The following MAP3K6 variants were observed in gnomAD, a reference collection of about 807,000 sequenced individuals.
The protein encoded by MAP3K6 is apoptosis signal-regulating kinase 2.
MAP3K6 carries 105 observed loss-of-function variants against 147.1 expected under a neutral mutation model. The ratio of observed to expected loss-of-function variants is 0.71; its 90% CI spans 0.61 to 0.84. MAP3K6 has a LOEUF of 0.84. MAP3K6 is among the 40% of genes least tolerant of loss of function. MAP3K6 has a pLI of 0.00. For synonymous variants in MAP3K6, 695 were observed against 732.4 expected (o/e 0.95, Z 0.82); for missense variants, 1,569 against 1,715.0 (o/e 0.91, Z 1.50).
chr1:27,358,749 G>T lies in MAP3K6; in HGVS notation c.2543C>A (p.Pro848His), dbSNP rs756936186. 4 of 1,613,994 alleles carry T rather than the reference G, an allele frequency of 2.5e-6. No homozygotes were observed. Among genetic ancestry groups the T allele is most frequent in the Non-Finnish European group, 3.4e-6 (4 of 1,179,984 alleles). The stretch of plus-strand genomic sequence containing the variant: ...CTGTGGGCTCCCGAGCTCGTGGAAG[G>T]GGGGGCGACCTGTGGCCATCTCAAT... ...TVIEMATGRP[P>H]FHELGSPQAA... The change falls in exon 19 of 29, where the codon CCC (proline) becomes CAC (histidine). Residue 848 changes from proline (P) to histidine (H), a missense_variant. Pro to His is a moderately conservative substitution (Grantham distance 77). Coordinates refer to ENST00000357582, the MANE Select transcript of MAP3K6 (RefSeq NM_004672.5). The surrounding 1 kb of genome is among the most constrained non-coding windows in gnomAD (Gnocchi z 6.2).
rs747785076 is a variant in MAP3K6 at position 27,360,832 on chromosome 1, A to G, written c.1927T>C (p.Tyr643His). The change falls in exon 15 of 29, where the codon TAT (tyrosine) becomes CAT (histidine). Residue 643 changes from tyrosine (Y) to histidine (H), a missense_variant. Coordinates refer to ENST00000357582, the MANE Select transcript of MAP3K6 (RefSeq NM_004672.5). The surrounding 1 kb of genome is among the most constrained non-coding windows in gnomAD (Gnocchi z 4.5). ...EGAGEMLEFD[Y>H]EYTETGERLV... ...CGCTCGCCCGTCTCCGTGTACTCAT[A>G]ATCAAACTGCCGGGCGCGGGGTGAG... The G allele has an allele frequency of 1.2e-6, 2 of 1,612,754 alleles. No homozygotes were observed. The highest frequency in any genetic ancestry group is 2.2e-5 in the South Asian group (2 of 91,080).
Position 27,355,698 on chromosome 1 carries a change from AGTG to A in MAP3K6, c.3756_3758del (p.Thr1253del). On this transcript the variant is annotated inframe_deletion, in exon 28 of 29. Coordinates refer to ENST00000357582, the MANE Select transcript of MAP3K6 (RefSeq NM_004672.5). ...TGCGGGTGTAGATGAGGTCATCTCG[AGTG>A]GCATAGGTGAGCAGAGTGTGGAGGG... 1 of 1,610,880 alleles carries A rather than the reference AGTG, an allele frequency of 6.2e-7. No homozygotes were observed. The highest frequency in any genetic ancestry group is 1.1e-5 in the South Asian group (1 of 90,634).
rs1389681664 is a variant in MAP3K6 at position 27,361,704 on chromosome 1, C to A, written c.1578+1G>T. Reference sequence around the variant, plus strand: ...GGGTCCACCACCCCTACAGGCCTCACCAAGCACTGGTCGCCCTGGGCACAG... The same window carrying A: ...GGGTCCACCACCCCTACAGGCCTCAACAAGCACTGGTCGCCCTGGGCACAG... On this transcript the variant is annotated splice_donor_variant, in intron 10 of 28. Transcript: ENST00000357582. LOFTEE classifies it high-confidence loss of function. The A allele has an allele frequency of 7.4e-6, 12 of 1,613,534 alleles. No individual in the cohort carries two copies. The highest frequency in any genetic ancestry group is 1.7e-5 in the Admixed American group (1 of 60,002).
At position 27,364,653 on chromosome 1, in the gene MAP3K6, C is replaced by T. The variant is rs757803775; in HGVS notation, c.504+8G>A. On this transcript the variant is annotated splice_region_variant and intron_variant, in intron 3 of 28. Coordinates refer to ENST00000357582, the MANE Select transcript of MAP3K6 (RefSeq NM_004672.5). The surrounding 1 kb of genome is among the most constrained non-coding windows in gnomAD (Gnocchi z 4.4). ...GGCACTTTTGAGTGAGAGGTGGATT[C>T]TGCTCACCGAGTTCTTCTGGAAAAC... 30 of 1,614,164 alleles carry T rather than the reference C, an allele frequency of 1.9e-5. No individual in the cohort carries two copies. The highest frequency in any genetic ancestry group is 2.4e-5 in the Non-Finnish European group (28 of 1,180,032).
intron 27 of MAP3K6, 110 bp downstream of exon 27, chr1:27,355,916 T>C: frequency 8.5e-7 from 1 of 1,177,206 alleles, no homozygotes; most frequent in Non-Finnish European, 1.3e-6. Flanking sequence ...AGTGTTCTTC[T>C]GGTAGTGAGA....
chr1:27,360,667 C>A lies in MAP3K6; in HGVS notation c.2054+38G>T. The A allele has an allele frequency of 6.3e-7, 1 of 1,589,352 alleles. No homozygotes were observed. Among genetic ancestry groups the A allele is most frequent in the South Asian group, 1.1e-5 (1 of 89,084 alleles). On this transcript the variant is annotated intron_variant, in intron 15 of 28. Coordinates refer to ENST00000357582, the MANE Select transcript of MAP3K6 (RefSeq NM_004672.5). This position sits in a 1 kb window ranked among gnomAD's most constrained non-coding sequence, Gnocchi z 4.5. ...CGTGGCCCGGCTCACTCGGCCCTCG[C>A]GAGCCCTCAGCCCCACCCGCGCTGC...
Position 27,358,488 on chromosome 1 carries a change from C to A in MAP3K6, c.2707G>T (p.Asp903Tyr). Reference protein sequence around the residue: ...LRASAQTLLGDPFLQPGKRSR... With the variant: ...LRASAQTLLGYPFLQPGKRSR... ...CTTTTCCCAGGCTGCAGGAAGGGGTCCCCCAGCAGTGTCTGGGCGCTGGCT... is the reference window on the plus strand; with the variant it reads ...CTTTTCCCAGGCTGCAGGAAGGGGTACCCCAGCAGTGTCTGGGCGCTGGCT... Residue 903 changes from aspartate (D) to tyrosine (Y), a missense_variant, in exon 20 of 29, where the codon GAC becomes TAC. Physicochemically the swap from Asp to Tyr is radical, Grantham distance 160 (BLOSUM62 -3). Coordinates refer to ENST00000357582, the MANE Select transcript of MAP3K6 (RefSeq NM_004672.5). This position sits in a 1 kb window ranked among gnomAD's most constrained non-coding sequence, Gnocchi z 6.2. 1.3e-6 allele frequency: 2 copies of A among 1,597,174 alleles called. No individual in the cohort carries two copies. The highest frequency in any genetic ancestry group is 1.7e-6 in the Non-Finnish European group (2 of 1,175,362).
chr1:27,355,553 C>G, intron 28 of MAP3K6, 84 bp from the exon 29 acceptor site: 1 of 1,572,360 alleles, frequency 6.4e-7, no homozygotes, highest in East Asian at 2.2e-5. Flanking sequence ...AGTGCCCCCT[C>G]TGTCCCTAGG....
rs758782106 is a variant in MAP3K6 at position 27,363,976 on chromosome 1, C to T, written c.805G>A (p.Val269Met). 23 of 1,610,314 alleles carry T rather than the reference C, an allele frequency of 1.4e-5. No homozygotes were observed. The highest frequency in any genetic ancestry group is 1.9e-5 in the Non-Finnish European group (22 of 1,179,842). Residue 269 changes from valine to methionine, a missense_variant, in exon 5 of 29, where the codon GTG (valine) becomes ATG (methionine). Physicochemically the swap from Val to Met is conservative, Grantham distance 21 (BLOSUM62 1). Coordinates refer to ENST00000357582, the MANE Select transcript of MAP3K6 (RefSeq NM_004672.5). ...ATGATGTCGGGGCTCAGCAGCTCCA[C>T]GCTGTCCAGTCTCCGCTGCAGGCGA... is the stretch of plus-strand genomic sequence containing the variant. ...LARLQRRLDSVELLSPDIIMN... is the reference protein window; with the variant it reads ...LARLQRRLDSMELLSPDIIMN...
In MAP3K6 at chr1:27,359,001, C is replaced by A; in HGVS notation, c.2426-135G>T. On this transcript the variant is annotated intron_variant, in intron 18 of 28. Transcript: ENST00000357582. This position sits in a 1 kb window ranked among gnomAD's most constrained non-coding sequence, Gnocchi z 4.4. ...ATCCAAAATATACCTCAACACCTAT[C>A]CTGGTCATCAAACATCTATCCTGAG... 1.1e-6 allele frequency: 1 copy of A among 880,268 alleles called. No individual in the cohort carries two copies. Among genetic ancestry groups the A allele is most frequent in the Non-Finnish European group, 1.7e-6 (1 of 584,332 alleles). The allele number at this position is 880,268 out of a possible 1,614,324, so 54.5% of individuals were successfully genotyped here.
At position 27,361,623 on chromosome 1, in the gene MAP3K6, A is replaced by G. The variant is rs1334961566; in HGVS notation, c.1583T>C (p.Leu528Pro). Residue 528 changes from leucine to proline, a missense_variant, in exon 11 of 29, where the codon CTG (leucine) becomes CCG (proline). Transcript: ENST00000357582. ...CAGCACCTTGTTCATCTCCAGGACC[A>G]GCACCTGCAGGCAGTTGGGGAGTGG... ...ACAQGDQCLV[L>P]VLEMNKVLLP... is the part of the protein sequence containing the mutation. 1.2e-6 allele frequency: 2 copies of G among 1,614,176 alleles called. No homozygotes were observed. Among genetic ancestry groups the G allele is most frequent in the Non-Finnish European group, 1.7e-6 (2 of 1,180,034 alleles).
At position 27,363,429 on chromosome 1, in the gene MAP3K6, C is replaced by T. The variant is rs1557565979; in HGVS notation, c.971+13G>A. 6.2e-7 allele frequency: 1 copy of T among 1,606,208 alleles called. No homozygotes were observed. The highest frequency in any genetic ancestry group is 1.1e-5 in the South Asian group (1 of 90,060). On this transcript the variant is annotated intron_variant, in intron 6 of 28. Coordinates refer to ENST00000357582, the MANE Select transcript of MAP3K6 (RefSeq NM_004672.5). ...TTATGTGGCTATGACCTAACCCTTGCTCTGCCACTCACCGGTTGAGGGCAA... is the reference window on the plus strand; with the variant it reads ...TTATGTGGCTATGACCTAACCCTTGTTCTGCCACTCACCGGTTGAGGGCAA...
chr1:27,360,493 C>A lies in MAP3K6; in HGVS notation c.2055-125G>T. 2 of 1,354,414 alleles carry A rather than the reference C, an allele frequency of 1.5e-6. No homozygotes were observed. Among genetic ancestry groups the A allele is most frequent in the Non-Finnish European group, 2.0e-6 (2 of 1,009,560 alleles). The allele number at this position is 1,354,414 out of a possible 1,614,324, so 83.9% of individuals were successfully genotyped here. ...CACAAGCCCTCTCCGACCTTCCCCA[C>A]CCTTACTACCCTGCCCACAGGACCC... On this transcript the variant is annotated intron_variant, in intron 15 of 28. Transcript: ENST00000357582. This position sits in a 1 kb window ranked among gnomAD's most constrained non-coding sequence, Gnocchi z 4.5.
chr1:27,359,637 C>T lies in MAP3K6; in HGVS notation c.2320-115G>A. 3.4e-6 allele frequency: 5 copies of T among 1,488,772 alleles called. No homozygotes were observed. The highest frequency in any genetic ancestry group is 1.4e-5 in the African/African-American group (1 of 72,176). The allele number at this position is 1,488,772 out of a possible 1,614,324, so 92.2% of individuals were successfully genotyped here. A position where few individuals can be genotyped will look rare whatever the true frequency, so the allele number is the denominator to read the frequency against. Reference sequence around the variant, plus strand: ...GCCTGGTCCTGCCTCTGTCAACACTCTCCCCTTGCCATCCCACTTATATGC... The same window carrying T: ...GCCTGGTCCTGCCTCTGTCAACACTTTCCCCTTGCCATCCCACTTATATGC... On this transcript the variant is annotated intron_variant, in intron 17 of 28. Transcript: ENST00000357582. This position sits in a 1 kb window ranked among gnomAD's most constrained non-coding sequence, Gnocchi z 4.4.
At position 27,360,945 on chromosome 1, in the gene MAP3K6, C is replaced by T; in HGVS notation, c.1896G>A (p.Ala632=). The change falls in exon 14 of 29, where the codon GCG becomes GCA. Residue 632 remains alanine, a synonymous_variant. Coordinates refer to ENST00000357582, the MANE Select transcript of MAP3K6 (RefSeq NM_004672.5). The surrounding 1 kb of genome is among the most constrained non-coding windows in gnomAD (Gnocchi z 4.5). ...NPDSTAPAEE[A]EGAGEMLEFD... is the part of the protein sequence containing the mutation. ...CCTCCAACATCTCCCCCGCGCCCTC[C>T]GCCTCCTCCGCGGGCGCCGTGGAAT... 6.2e-7 allele frequency: 1 copy of T among 1,607,534 alleles called. No individual in the cohort carries two copies. The highest frequency in any genetic ancestry group is 8.5e-7 in the Non-Finnish European group (1 of 1,176,804).
chr1:27,357,593 G>A lies in MAP3K6; in HGVS notation c.3082-17C>T, dbSNP rs2015577897. On this transcript the variant is annotated splice_polypyrimidine_tract_variant and intron_variant, in intron 22 of 28. Coordinates refer to ENST00000357582, the MANE Select transcript of MAP3K6 (RefSeq NM_004672.5). ...ACGGGCCCCCTGAGAAGGAAGAGAGGGGTTGTCAGCGAGTGCTCCAGCCAA... is the reference window on the plus strand; with the variant it reads ...ACGGGCCCCCTGAGAAGGAAGAGAGAGGTTGTCAGCGAGTGCTCCAGCCAA... 2 of 1,599,606 alleles carry A rather than the reference G, an allele frequency of 1.3e-6. No individual in the cohort carries two copies. The highest frequency in any genetic ancestry group is 1.7e-6 in the Non-Finnish European group (2 of 1,171,872).
chr1:27,358,161 C>T lies in MAP3K6; in HGVS notation c.2915+20G>A. ...GCAAAACCAGGCAAAAGGAACCCAT[C>T]CCAGGAGCCTTGGTCTCACCGGAGC... On this transcript the variant is annotated intron_variant, in intron 21 of 28. Coordinates refer to ENST00000357582, the MANE Select transcript of MAP3K6 (RefSeq NM_004672.5). This position sits in a 1 kb window ranked among gnomAD's most constrained non-coding sequence, Gnocchi z 6.2. 1.3e-6 allele frequency: 2 copies of T among 1,560,774 alleles called. No individual in the cohort carries two copies. Among genetic ancestry groups the T allele is most frequent in the Non-Finnish European group, 1.7e-6 (2 of 1,158,498 alleles).
rs755608417 is a variant in MAP3K6 at position 27,355,761 on chromosome 1, G to A, written c.3712-16C>T. The stretch of plus-strand genomic sequence containing the variant: ...GGTTCAACAGCTGGATGTGGTCAAA[G>A]ACCCGCAGAAAGAGGGAAATAAGAA... On this transcript the variant is annotated splice_polypyrimidine_tract_variant and intron_variant, in intron 27 of 28. Coordinates refer to ENST00000357582, the MANE Select transcript of MAP3K6 (RefSeq NM_004672.5). 1.2e-6 allele frequency: 2 copies of A among 1,611,170 alleles called. No homozygotes were observed. Among genetic ancestry groups the A allele is most frequent in the Non-Finnish European group, 1.7e-6 (2 of 1,177,448 alleles).
chr1:27,364,266 G>A lies in MAP3K6; in HGVS notation c.633C>T (p.Ala211=). ...GCCGGCCCACCAGGGGAGTGAGCAG[G>A]GCCTCGGTCCCCACTCCAGCCTGTA... ...GLVQAGVGTE[A]LLTPLVGRLA... is the part of the protein sequence containing the mutation. Residue 211 remains alanine (A), a synonymous_variant, in exon 4 of 29, where the codon GCC becomes GCT. Coordinates refer to ENST00000357582, the MANE Select transcript of MAP3K6 (RefSeq NM_004672.5). This position sits in a 1 kb window ranked among gnomAD's most constrained non-coding sequence, Gnocchi z 4.4. 2 of 1,613,632 alleles carry A rather than the reference G, an allele frequency of 1.2e-6. No individual in the cohort carries two copies. Among genetic ancestry groups the A allele is most frequent in the African/African-American group, 1.3e-5 (1 of 75,052 alleles).
Sources: allele counts gnomAD v4.1 joint callset, GRCh38; gene constraint gnomAD v4.1.1; non-coding constraint Gnocchi (gnomAD v3.1); transcripts MANE v1.5; gene names NCBI Gene and HGNC (gene_info 2026-07-23, HGNC 2026-07-21).